EBI3: variants seen among roughly 807,000 people sequenced by gnomAD.
EBI3 encodes the protein Epstein-Barr virus induced 3, also known as interleukin-27 subunit beta.
A neutral mutation model predicts 21.3 loss-of-function variants in EBI3; 19 were observed. That is an observed-to-expected ratio of 0.89 (90% CI 0.62 to 1.31). EBI3 has a LOEUF of 1.31. EBI3 is among the 50% of genes most tolerant of loss of function. The pLI, the probability that EBI3 is intolerant of heterozygous loss-of-function variation, is 0.00. For missense variants in EBI3, 331 were observed against 314.0 expected (o/e 1.05, Z -0.41); for synonymous variants, 154 against 131.2 (o/e 1.17, Z -1.19).
intron 4 of EBI3, among the ~76,000 whole-genome samples, chr19:4,235,889 T>G (rs1970832874): frequency 6.6e-6 from 1 of 152,202 alleles, no homozygotes; most frequent in Admixed American, 6.5e-5. Context: ...TTGGCACCAC[T>G]GCCTTCCAGC....
intron 2 of EBI3, among the ~76,000 whole-genome samples, chr19:4,232,734 A>G (rs1970797111): frequency 8.3e-6 from 1 of 121,068 alleles, no homozygotes; most frequent in African/African-American, 3.2e-5. Flanking sequence ...GAATGAATGA[A>G]TGAATGAAGG....
intron 4 of EBI3, among the ~76,000 whole-genome samples, chr19:4,236,551 TAATATAGTGGGACCAGGGGTA>T (rs1970840179): frequency 9.8e-6 from 1 of 101,528 alleles, no homozygotes; most frequent in Admixed American, 1.0e-4. Context: ...AAAGCATGGT[TAATATAGTGGGACCAGGGGTA>T]AAGGGAGGTA....
intron 4 of EBI3, 63 bp from the exon 5 acceptor site, chr19:4,236,873 C>T: frequency 6.9e-7 from 1 of 1,439,758 alleles, no homozygotes; most frequent in Non-Finnish European, 9.2e-7. Context: ...TTGTGTGGTT[C>T]TGTGCACAGT....
chr19:4,233,314 G>T lies in EBI3; in HGVS notation c.379+7G>T, dbSNP rs371471073. The T allele has an allele frequency of 1.1e-5, 17 of 1,587,008 alleles. No homozygotes were observed. The highest frequency in any genetic ancestry group is 1.5e-5 in the Non-Finnish European group (17 of 1,168,442). On this transcript the variant is annotated splice_region_variant and intron_variant, in intron 3 of 4. Transcript: ENST00000221847. ...TTCATAACAGAGCACATCAGTGAGT[G>T]GGGGCGGCAGTGGGGGCGGGGGCGG...
rs555490770 is a variant in EBI3, at chr19:4,236,278, C to T, written c.538-658C>T. 4.0e-5 allele frequency among the ~76,000 whole-genome samples: 6 copies of T among 151,082 alleles called. No individual in the cohort carries two copies. In the South Asian group the frequency reaches 6.3e-4, roughly 16 times the overall value. The stretch of plus-strand genomic sequence containing the variant: ...CTGAGGCAGGAGAATGGCTTGAACC[C>T]GGGAGGTGGAGGTTGCAGTGAGCTG... On this transcript the variant is annotated intron_variant, in intron 4 of 4. Coordinates refer to ENST00000221847, the MANE Select transcript of EBI3 (RefSeq NM_005755.3).
Position 4,233,249 on chromosome 19 carries a change from C to T in EBI3, c.321C>T (p.Thr107=), listed in dbSNP as rs1438279865. The T allele has an allele frequency of 1.2e-5, 19 of 1,612,618 alleles. No individual in the cohort carries two copies. The highest frequency in any genetic ancestry group is 1.4e-5 in the Non-Finnish European group (17 of 1,179,708). Residue 107 remains threonine (T), a synonymous_variant, in exon 3 of 5, where the codon ACC becomes ACT. Transcript: ENST00000221847. ...FSMAPYVLNV[T]AVHPWGSSSS... is the part of the protein sequence containing the mutation. ...TGGCTCCCTACGTGCTCAATGTCAC[C>T]GCCGTCCACCCCTGGGGCTCCAGCA...
chr19:4,232,745 GATGAATTAATGAATGAATGAAGGA>G (rs146151307), intron 2 of EBI3, among the ~76,000 whole-genome samples: 66,320 of 137,672 alleles, frequency 0.48, 16,391 homozygotes, highest in African/African-American at 0.62. Context: ...TGAATGAAGG[GATGAATTAATGAATGAATGAAGGA>G]ATGAATTAAT....
intron 2 of EBI3, 44 bp downstream of exon 2, chr19:4,231,367 G>T (rs765566716): frequency 4.2e-4 from 658 of 1,563,466 alleles, no homozygotes; most frequent in Non-Finnish European, 5.4e-4. Flanking sequence ...TGGACTTCCT[G>T]GAGAGCCCAG....
At chr19:4,231,457 G>A in intron 2 of EBI3, 134 bp downstream of exon 2, 1 of 1,301,070 alleles carries the variant, frequency 7.7e-7, no homozygotes, top group Non-Finnish European at 1.0e-6. Flanking sequence ...GAATTCTAGG[G>A]CGGCCCCGTC....
intron 3 of EBI3, among the ~76,000 whole-genome samples, chr19:4,233,606 A>G (rs1163913789): frequency 6.6e-6 from 1 of 151,974 alleles, no homozygotes; most frequent in Non-Finnish European, 1.5e-5. Context: ...CATGGCTCCC[A>G]CCTGCCTTGG....
intron 2 of EBI3, among the ~76,000 whole-genome samples, chr19:4,232,243 AAAGAAAAGAAAAG>A (rs1222539430): frequency 7.1e-5 from 6 of 83,964 alleles, no homozygotes; most frequent in African/African-American, 3.0e-4. Context: ...AAAAAAAAAA[AAAGAAAAGAAAAG>A]AAAAGAAAAG....
chr19:4,229,655 G>A (rs1487740018), intron 1 of EBI3, 38 bp downstream of exon 1: 1 of 1,569,702 alleles, frequency 6.4e-7, no homozygotes, highest in Non-Finnish European at 8.7e-7. Context: ...GGCCCAGGCA[G>A]ACGGACATGA....
intron 4 of EBI3, among the ~76,000 whole-genome samples, chr19:4,235,687 A>G (rs564360688): frequency 1.8e-4 from 28 of 151,704 alleles, no homozygotes; most frequent in Admixed American, 1.8e-3. Flanking sequence ...CAGCACTTTG[A>G]GAGGCCAAGT....
At position 4,231,180 on chromosome 19, in the gene EBI3, T is replaced by C. The variant is rs766763704; in HGVS notation, c.68-11T>C. 3 of 1,567,054 alleles carry C rather than the reference T, an allele frequency of 1.9e-6. No homozygotes were observed. Among genetic ancestry groups the C allele is most frequent in the Non-Finnish European group, 2.6e-6 (3 of 1,159,400 alleles). ...GTAAACCAGAAGCTCACTCTTTCTG[T>C]CTTCCTCCAGGGCCCCCAGCAGCTC... is the stretch of plus-strand genomic sequence containing the variant. On this transcript the variant is annotated splice_polypyrimidine_tract_variant and intron_variant, in intron 1 of 4. Transcript: ENST00000221847.
chr19:4,232,551 C>CG (rs36119217), intron 2 of EBI3, among the ~76,000 whole-genome samples: 3,766 of 150,668 alleles, frequency 0.025, 64 homozygotes, highest in Non-Finnish European at 0.037. Context: ...GACCCCCCCC[C>CG]ATCTGTAGAA....
At position 4,234,743 on chromosome 19, in the gene EBI3, C is replaced by T. The variant is rs141119216; in HGVS notation, c.456C>T (p.Pro152=). ...ERQLQVQWEP[P]GSWPFPEIFS... ...AGCTACAGGTGCAGTGGGAGCCTCC[C>T]GGGTCCTGGCCCTTCCCAGAGATCT... The change falls in exon 4 of 5, where the codon CCC becomes CCT. Residue 152 remains proline, a synonymous_variant. Coordinates refer to ENST00000221847, the MANE Select transcript of EBI3 (RefSeq NM_005755.3). The T allele has an allele frequency of 7.6e-4, 1,222 of 1,614,120 alleles. No individual in the cohort carries two copies. The highest frequency in any genetic ancestry group is 9.9e-4 in the Non-Finnish European group (1,167 of 1,180,018).
At chr19:4,236,854 C>G in intron 4 of EBI3, 82 bp from the exon 5 acceptor site, 1 of 1,388,160 alleles carries the variant, frequency 7.2e-7, no homozygotes. Context: ...GGGAGGACTG[C>G]ACGCTCCGTT....
At chr19:4,231,111 C>A in intron 1 of EBI3, 80 bp from the exon 2 acceptor site, 1 of 1,456,104 alleles carries the variant, frequency 6.9e-7, no homozygotes, top group African/African-American at 1.4e-5. Context: ...TGGCTGGCAA[C>A]GTGGCAGGAG....
intron 2 of EBI3, among the ~76,000 whole-genome samples, chr19:4,232,745 G>GATGAATTAATGAATGAATGAAGGA (rs146151307): frequency 1.4e-5 from 2 of 138,874 alleles, no homozygotes; most frequent in Admixed American, 7.2e-5. Context: ...TGAATGAAGG[G>GATGAATTAATGAATGAATGAAGGA]ATGAATTAAT....
Sources: allele counts gnomAD v4.1 joint callset (sites outside exome capture counted in the v4.1 genomes callset), GRCh38; gene constraint gnomAD v4.1.1; transcripts MANE v1.5; gene names NCBI Gene and HGNC (gene_info 2026-07-23, HGNC 2026-07-21).